The following KASH5 variants were observed in gnomAD, a reference collection of about 807,000 sequenced individuals.
KASH5 encodes the protein KASH domain containing 5, also known as protein KASH5.
KASH5 carries 72 observed loss-of-function variants against 84.2 expected under a neutral mutation model. The observed-to-expected ratio is 0.85, with a 90% confidence interval of 0.71 to 1.04. The LOEUF (loss-of-function observed/expected upper bound fraction) is 1.04. Ranked by LOEUF, KASH5 falls within the 50% of genes least tolerant of loss-of-function variation. The pLI is 0.00. For missense variants in KASH5, 650 were observed against 701.0 expected (o/e 0.93, Z 0.82); for synonymous variants, 260 against 279.1 (o/e 0.93, Z 0.68).
In KASH5 at chr19:49,417,172, G is replaced by C. The variant is rs201622869; in HGVS notation, c.1453G>C (p.Glu485Gln). 5 of 1,613,688 alleles carry C rather than the reference G, an allele frequency of 3.1e-6. No individual in the cohort carries two copies. Among genetic ancestry groups the C allele is most frequent in the Non-Finnish European group, 3.4e-6 (4 of 1,179,832 alleles). The change falls in exon 19 of 20, where the codon GAA (glutamate) becomes CAA (glutamine). Residue 485 changes from glutamate to glutamine, a missense_variant. Physicochemically the swap from Glu to Gln is conservative, Grantham distance 29. Transcript: ENST00000447857. The surrounding 1 kb of genome is among the most constrained non-coding windows in gnomAD (Gnocchi z 5.2). ...TCACCCCAGCAGACCTGCGCGGCGG[G>C]AACTCCAGCAAGCCCTGGTGCCTGT... is the stretch of plus-strand genomic sequence containing the variant. ...ENPPERPARR[E>Q]LQQALVPVMK...
intron 9 of KASH5, among the ~76,000 whole-genome samples, chr19:49,400,930 C>T (rs950516560): frequency 1.3e-5 from 2 of 152,168 alleles, no homozygotes. Context: ...TCACCACCCC[C>T]GACCTCAAGG....
chr19:49,403,209 T>A (rs1568616428), intron 9 of KASH5, among the ~76,000 whole-genome samples: 2 of 152,110 alleles, frequency 1.3e-5, no homozygotes, highest in East Asian at 1.9e-4. Context: ...ATACAAAAAA[T>A]AAATAAATAA....
rs1375954699 is a variant in KASH5 at position 49,390,807 on chromosome 19, G to A, written c.-77G>A. 6.0e-6 allele frequency: 9 copies of A among 1,495,406 alleles called. No homozygotes were observed. Among genetic ancestry groups the A allele is most frequent in the African/African-American group, 2.8e-5 (2 of 70,614 alleles). The allele number at this position is 1,495,406 out of a possible 1,614,324, so 92.6% of individuals were successfully genotyped here. ...CTTCCAGGAGTGCTCGGGCCAGCTGGTCCTTTTCCCATCCCTCCCCATGAA... is the reference window on the plus strand; with the variant it reads ...CTTCCAGGAGTGCTCGGGCCAGCTGATCCTTTTCCCATCCCTCCCCATGAA... On this transcript the variant is annotated 5_prime_UTR_variant, in exon 2 of 20. Coordinates refer to ENST00000447857, the MANE Select transcript of KASH5 (RefSeq NM_144688.5).
chr19:49,390,754 G>A, intron 1 of KASH5, 35 bp from the exon 2 acceptor site: 1 of 1,055,462 alleles, frequency 9.5e-7, no homozygotes, highest in Non-Finnish European at 1.3e-6. Context: ...CTTGGTGGCT[G>A]CTCTGAGGAC....
chr19:49,404,502 T>TA (rs1335515823), intron 9 of KASH5, among the ~76,000 whole-genome samples: 2 of 152,186 alleles, frequency 1.3e-5, no homozygotes, highest in African/African-American at 4.8e-5. Context: ...GGAAGCCTGT[T>TA]AGTGCTCCCA....
At chr19:49,396,720 T>A (rs1381952260) in intron 5 of KASH5, among the ~76,000 whole-genome samples, 3 of 152,128 alleles carry the variant, frequency 2.0e-5, no homozygotes, top group African/African-American at 7.2e-5. Flanking sequence ...GTTGGCTGGT[T>A]TGCTCACCAT....
In KASH5 at chr19:49,417,558, T is replaced by C. The variant is rs369222690; in HGVS notation, c.*48T>C. On this transcript the variant is annotated 3_prime_UTR_variant, in exon 20 of 20. Coordinates refer to ENST00000447857, the MANE Select transcript of KASH5 (RefSeq NM_144688.5). The surrounding 1 kb of genome is among the most constrained non-coding windows in gnomAD (Gnocchi z 5.2). Reference sequence around the variant, plus strand: ...GCAGTGTCTAGCTCAATAAATCCCCTGGCCCTCTCTCCACTGGGATCCCCA... The same window carrying C: ...GCAGTGTCTAGCTCAATAAATCCCCCGGCCCTCTCTCCACTGGGATCCCCA... 8.6e-5 allele frequency: 126 copies of C among 1,470,798 alleles called. No homozygotes were observed. The African/African-American group carries it at 1.7e-3, about 19-fold the overall frequency. 91.1% of individuals were successfully genotyped at this position (1,470,798 alleles called of 1,614,324 possible).
intron 9 of KASH5, among the ~76,000 whole-genome samples, chr19:49,400,169 A>C (rs114656200): frequency 0.011 from 1,592 of 147,342 alleles, 27 homozygotes; most frequent in African/African-American, 0.038. Context: ...CAGAGGTTGC[A>C]GTGAGCCAAG....
rs1465585472 is a variant in KASH5 at position 49,406,915 on chromosome 19, A to G, written c.828A>G (p.Gly276=). The G allele has an allele frequency of 1.9e-6, 3 of 1,605,660 alleles. No individual in the cohort carries two copies. The African/African-American group carries it at 4.0e-5, about 21-fold the overall frequency. The change falls in exon 10 of 20, where the codon GGA becomes GGG. Residue 276 remains glycine, a synonymous_variant. Coordinates refer to ENST00000447857, the MANE Select transcript of KASH5 (RefSeq NM_144688.5). ...ENGKLLAERD[G]VKKRSQELAM... The stretch of plus-strand genomic sequence containing the variant: ...GGAAGCTGCTTGCCGAGCGGGATGG[A>G]GTGAAAAAGAGAAGTCAGGAGCTGG...
Position 49,395,067 on chromosome 19 carries a change from C to G in KASH5, c.149-39C>G. The G allele has an allele frequency of 6.5e-7, 1 of 1,537,796 alleles. No individual in the cohort carries two copies. The highest frequency in any genetic ancestry group is 1.2e-5 in the South Asian group (1 of 82,974). Reference sequence around the variant, plus strand: ...CTGCCAGTCCATACCCATCACTCCCCACCTGCCCCAGACCCCCTCACTGCA... The same window carrying G: ...CTGCCAGTCCATACCCATCACTCCCGACCTGCCCCAGACCCCCTCACTGCA... On this transcript the variant is annotated intron_variant, in intron 3 of 19. Transcript: ENST00000447857. This position sits in a 1 kb window ranked among gnomAD's most constrained non-coding sequence, Gnocchi z 4.4.
chr19:49,395,723 G>C lies in KASH5; in HGVS notation c.336-46G>C. ...CCCCTGCCTGTGGCTGGTGAGGACT[G>C]AGGGGCAGCTACAGTGGGGCGCTAA... is the stretch of plus-strand genomic sequence containing the variant. On this transcript the variant is annotated intron_variant, in intron 4 of 19. Transcript: ENST00000447857. The surrounding 1 kb of genome is among the most constrained non-coding windows in gnomAD (Gnocchi z 4.4). The C allele has an allele frequency of 6.5e-7, 1 of 1,537,150 alleles. No individual in the cohort carries two copies. The highest frequency in any genetic ancestry group is 8.8e-7 in the Non-Finnish European group (1 of 1,135,922).
chr19:49,399,640 T>A lies in KASH5; in HGVS notation c.798+133T>A, dbSNP rs1451726995. On this transcript the variant is annotated intron_variant, in intron 9 of 19. Coordinates refer to ENST00000447857, the MANE Select transcript of KASH5 (RefSeq NM_144688.5). The surrounding 1 kb of genome is among the most constrained non-coding windows in gnomAD (Gnocchi z 4.4). ...TCAGAATGTCAGTAGTGTGGGAATG[T>A]CCCTGAGGTTATATCACACTGTGAG... 7 of 1,525,850 alleles carry A rather than the reference T, an allele frequency of 4.6e-6. No homozygotes were observed. Among genetic ancestry groups the A allele is most frequent in the Non-Finnish European group, 6.2e-6 (7 of 1,133,902 alleles). The allele number at this position is 1,525,850 out of a possible 1,614,324, so 94.5% of individuals were successfully genotyped here.
At chr19:49,405,309 T>C (rs2122174049) in intron 9 of KASH5, among the ~76,000 whole-genome samples, 1 of 150,932 alleles carries the variant, frequency 6.6e-6, no homozygotes, top group Middle Eastern at 3.4e-3. Context: ...ATACAAAAAT[T>C]AGCCAGGTGT....
intron 1 of KASH5, chr19:49,390,208 C>T (rs1973957190): frequency 6.6e-6 from 1 of 152,302 alleles, no homozygotes; most frequent in Non-Finnish European, 1.5e-5. Context: ...AGACACGGCC[C>T]CTCGCTTCCC....
intron 9 of KASH5, among the ~76,000 whole-genome samples, chr19:49,405,824 C>T (rs1252037003): frequency 6.6e-6 from 1 of 151,886 alleles, no homozygotes; most frequent in African/African-American, 2.4e-5. Context: ...AGCGTGGTGG[C>T]ACATGCCTGT....
At position 49,395,710 on chromosome 19, in the gene KASH5, G is replaced by A; in HGVS notation, c.336-59G>A. On this transcript the variant is annotated intron_variant, in intron 4 of 19. Coordinates refer to ENST00000447857, the MANE Select transcript of KASH5 (RefSeq NM_144688.5). The surrounding 1 kb of genome is among the most constrained non-coding windows in gnomAD (Gnocchi z 4.4). ...CCCACCTGCAATCCCCCTGCCTGTG[G>A]CTGGTGAGGACTGAGGGGCAGCTAC... The A allele has an allele frequency of 4.0e-6, 6 of 1,510,480 alleles. No individual in the cohort carries two copies. Among genetic ancestry groups the A allele is most frequent in the Admixed American group, 2.0e-5 (1 of 50,880 alleles). 93.6% of individuals were successfully genotyped at this position (1,510,480 alleles called of 1,614,324 possible).
intron 9 of KASH5, among the ~76,000 whole-genome samples, chr19:49,404,925 A>G (rs1268683805): frequency 6.6e-6 from 1 of 152,208 alleles, no homozygotes; most frequent in Non-Finnish European, 1.5e-5. Flanking sequence ...AGTGGTGAAC[A>G]TAACCACAGG....
chr19:49,400,978 G>C (rs1974344612), intron 9 of KASH5, among the ~76,000 whole-genome samples: 1 of 152,182 alleles, frequency 6.6e-6, no homozygotes, highest in Admixed American at 6.5e-5. Context: ...CAGGAGCCTA[G>C]TGCTCTAGGA....
At chr19:49,410,204 A>C (rs942371513) in intron 15 of KASH5, among the ~76,000 whole-genome samples, 1 of 152,244 alleles carries the variant, frequency 6.6e-6, no homozygotes, top group Non-Finnish European at 1.5e-5. Flanking sequence ...GAAGGGAATA[A>C]GTAAGTTGTT....
Sources: gnomAD v4.1 joint callset for allele counts (sites outside exome capture counted in the v4.1 genomes callset) on GRCh38, gnomAD v4.1.1 for gene constraint, Gnocchi (gnomAD v3.1) non-coding constraint, MANE v1.5 for transcripts, NCBI Gene and HGNC (gene_info 2026-07-23, HGNC 2026-07-21) for gene names.